The following DPF3 variants were observed in gnomAD, a reference collection of about 807,000 sequenced individuals.
DPF3 encodes the protein zinc finger protein DPF3.
Under a neutral mutation model 56.8 loss-of-function variants are expected in DPF3, and 18 were observed. That is an observed-to-expected ratio of 0.32 (90% CI 0.22 to 0.47). The LOEUF (loss-of-function observed/expected upper bound fraction) is 0.47, where lower values mean the gene tolerates loss of function less well. Among genes scored for constraint, DPF3 ranks in the 20% least tolerant of loss-of-function variants. The pLI is 1.00. For synonymous variants in DPF3, 188 were observed against 180.2 expected (o/e 1.04, Z -0.35); for missense variants, 403 against 488.8 (o/e 0.82, Z 1.65).
intron 1 of DPF3, among the ~76,000 whole-genome samples, chr14:72,846,279 T>G (rs1281096501): frequency 6.7e-6 from 1 of 149,502 alleles, no homozygotes; most frequent in Non-Finnish European, 1.5e-5. Context: ...CCCAGCTAAT[T>G]TTTATATTTT....
intron 8 of DPF3, among the ~76,000 whole-genome samples, chr14:72,638,274 G>A (rs79990501): frequency 1.0e-4 from 4 of 38,590 alleles, no homozygotes; most frequent in Non-Finnish European, 1.5e-4. Context: ...AAGGTCAGGC[G>A]GCTGAATCAT....
chr14:72,810,035 A>C (rs938667223), intron 1 of DPF3, among the ~76,000 whole-genome samples: 1 of 152,208 alleles, frequency 6.6e-6, no homozygotes, highest in African/African-American at 2.4e-5. Context: ...CATGTTGAGA[A>C]TCTATAAGAG....
At chr14:72,799,026 A>C (rs1892755603) in intron 1 of DPF3, among the ~76,000 whole-genome samples, 1 of 152,194 alleles carries the variant, frequency 6.6e-6, no homozygotes, top group Admixed American at 6.5e-5. Context: ...GTCCTGAGGC[A>C]GTGCATTCTC....
intron 1 of DPF3, among the ~76,000 whole-genome samples, chr14:72,775,670 A>G (rs556959607): frequency 2.0e-5 from 3 of 152,340 alleles, no homozygotes; most frequent in Middle Eastern, 3.4e-3. Flanking sequence ...CAACTGTATT[A>G]AAGATCGAAG....
chr14:72,826,910 C>T (rs540414064), intron 1 of DPF3, among the ~76,000 whole-genome samples: 1 of 152,034 alleles, frequency 6.6e-6, no homozygotes, highest in Non-Finnish European at 1.5e-5. Flanking sequence ...GGCATGGTGG[C>T]GCGTGCCTGT....
At chr14:72,644,217 A>G (rs1002684179) in intron 8 of DPF3, among the ~76,000 whole-genome samples, 4 of 152,150 alleles carry the variant, frequency 2.6e-5, no homozygotes, top group Admixed American at 1.3e-4. Flanking sequence ...ATGGGAGTAC[A>G]ACAAAACCCG....
At chr14:72,869,202 G>A (rs919605431) in intron 1 of DPF3, among the ~76,000 whole-genome samples, 9 of 152,116 alleles carry the variant, frequency 5.9e-5, no homozygotes, top group Admixed American at 1.3e-4. Context: ...ACCAGAAAAG[G>A]TCCCCCTACT....
At chr14:72,724,623 C>G (rs1889317712) in intron 4 of DPF3, among the ~76,000 whole-genome samples, 1 of 151,826 alleles carries the variant, frequency 6.6e-6, no homozygotes, top group South Asian at 2.1e-4. Flanking sequence ...TAGCAGAGGA[C>G]CCAGCCCCAC....
chr14:72,807,313 T>C (rs1250020739), intron 1 of DPF3, among the ~76,000 whole-genome samples: 1 of 152,240 alleles, frequency 6.6e-6, no homozygotes, highest in Non-Finnish European at 1.5e-5. Context: ...CTTAGGATTA[T>C]TGTGAAGATT....
intron 8 of DPF3, among the ~76,000 whole-genome samples, chr14:72,639,343 C>G (rs909037701): frequency 6.6e-6 from 1 of 152,156 alleles, no homozygotes. Context: ...TCTGGCGTGG[C>G]TATCAATGAA....
intron 9 of DPF3, among the ~76,000 whole-genome samples, chr14:72,622,474 G>C (rs1280331710): frequency 2.6e-5 from 4 of 152,078 alleles, no homozygotes; most frequent in Non-Finnish European, 5.9e-5. Flanking sequence ...AAAACAGACA[G>C]GACTTGTCAG....
In DPF3 at chr14:72,883,995, C is replaced by T. The variant is rs992185302; in HGVS notation, c.32+10062G>A. ...ACTGACCTCCAATGCCAACAGCTCACTCTCCTTATTCACAAGCAGATCTAA... is the reference window on the plus strand; with the variant it reads ...ACTGACCTCCAATGCCAACAGCTCATTCTCCTTATTCACAAGCAGATCTAA... On this transcript the variant is annotated intron_variant, in intron 1 of 10. Transcript: ENST00000556509. 6.6e-5 allele frequency among the ~76,000 whole-genome samples: 10 copies of T among 151,962 alleles called. No homozygotes were observed. In the East Asian group the frequency reaches 1.5e-3, roughly 24 times the overall value.
rs139294272 is a variant in DPF3 at position 72,849,126 on chromosome 14, C to T, written c.32+44931G>A. Among the ~76,000 whole-genome samples, 391 of 152,320 alleles carry T rather than the reference C, an allele frequency of 2.6e-3. 2 individuals carry two copies. Among genetic ancestry groups the T allele is most frequent in the African/African-American group, 4.6e-3 (191 of 41,564 alleles). On this transcript the variant is annotated intron_variant, in intron 1 of 10. Coordinates refer to ENST00000556509, the MANE Select transcript of DPF3 (RefSeq NM_001280542.3). The stretch of plus-strand genomic sequence containing the variant: ...CAAACCCAAGTTGTTTGAGCCTAAA[C>T]TTACTCTCTTCATAACCAATCTGCC...
chr14:72,781,925 C>T lies in DPF3; in HGVS notation c.33-10032G>A, dbSNP rs144516430. 2.5e-3 allele frequency among the ~76,000 whole-genome samples: 380 copies of T among 152,244 alleles called. 3 individuals carry two copies. The highest frequency in any genetic ancestry group is 4.6e-3 in the Non-Finnish European group (312 of 68,016). Reference sequence around the variant, plus strand: ...CATACCTAGAAAGAAAACATGCATCCGTCACAGAAATTTCATTGATTGAGA... The same window carrying T: ...CATACCTAGAAAGAAAACATGCATCTGTCACAGAAATTTCATTGATTGAGA... On this transcript the variant is annotated intron_variant, in intron 1 of 10. Coordinates refer to ENST00000556509, the MANE Select transcript of DPF3 (RefSeq NM_001280542.3).
chr14:72,879,001 C>CA (rs1886220703), intron 1 of DPF3, among the ~76,000 whole-genome samples: 1 of 152,240 alleles, frequency 6.6e-6, no homozygotes, highest in Non-Finnish European at 1.5e-5. Flanking sequence ...ACTTGGGCAG[C>CA]AGAGCAGGGT....
chr14:72,871,753 C>A (rs1885909969), intron 1 of DPF3, among the ~76,000 whole-genome samples: 1 of 152,232 alleles, frequency 6.6e-6, no homozygotes, highest in South Asian at 2.1e-4. Flanking sequence ...TGCGTACTTT[C>A]ACAGTCTGGC....
intron 1 of DPF3, among the ~76,000 whole-genome samples, chr14:72,878,220 C>T (rs186901185): frequency 6.6e-6 from 1 of 152,214 alleles, no homozygotes; most frequent in East Asian, 1.9e-4. Context: ...TTCCAAAAAG[C>T]CCCCAACACA....
chr14:72,748,624 G>A (rs1255195102), intron 3 of DPF3, among the ~76,000 whole-genome samples: 1 of 152,190 alleles, frequency 6.6e-6, no homozygotes, highest in Non-Finnish European at 1.5e-5. Flanking sequence ...CCCATCACAG[G>A]CCTGGAGGTT....
intron 4 of DPF3, among the ~76,000 whole-genome samples, chr14:72,724,761 T>A (rs1889327740): frequency 6.7e-6 from 1 of 149,396 alleles, no homozygotes; most frequent in African/African-American, 2.5e-5. Flanking sequence ...CAGGCTGGAG[T>A]GCAGTGGCAC....
Sources: allele counts gnomAD v4.1 joint callset (sites outside exome capture counted in the v4.1 genomes callset), GRCh38; gene constraint gnomAD v4.1.1; transcripts MANE v1.5; gene names NCBI Gene and HGNC (gene_info 2026-07-23, HGNC 2026-07-21).